Variants in CMIP observed in about 807,000 individuals in gnomAD.
The protein encoded by CMIP is c-Maf inducing protein, also known as C-Maf-inducing protein.
In CMIP, 13 loss-of-function variants were observed where a neutral mutation model predicts 97.3. The observed-to-expected ratio is 0.13, with a 90% confidence interval of 0.09 to 0.21. The LOEUF is 0.21. CMIP is among the 10% of genes least tolerant of loss of function. The pLI, the probability that CMIP is intolerant of heterozygous loss-of-function variation, is 1.00. For synonymous variants in CMIP, 538 were observed against 436.3 expected (o/e 1.23, Z -2.91); for missense variants, 847 against 1,024.9 (o/e 0.83, Z 2.37).
chr16:81,535,466 CT>C (rs34961950), intron 1 of CMIP, among the ~76,000 whole-genome samples: 5,315 of 134,352 alleles, frequency 0.04, 110 homozygotes, highest in African/African-American at 0.06. Context: ...CACTGGAATG[CT>C]TTTTTTTTTT....
chr16:81,664,832 A>T, intron 7 of CMIP: 1 of 232,656 alleles, frequency 4.3e-6, no homozygotes, highest in East Asian at 8.2e-5. Context: ...TAGACAGAAT[A>T]TTCCCTTCAT....
intron 9 of CMIP, among the ~76,000 whole-genome samples, chr16:81,676,768 T>C (rs1312014521): frequency 1.3e-5 from 2 of 152,232 alleles, no homozygotes; most frequent in African/African-American, 4.8e-5. Context: ...GTTCAAGTTC[T>C]GCACACAGCC....
intron 1 of CMIP, among the ~76,000 whole-genome samples, chr16:81,481,551 G>A (rs1257032552): frequency 6.6e-6 from 1 of 152,202 alleles, no homozygotes; most frequent in East Asian, 1.9e-4. Context: ...CCATGCCAGG[G>A]CCAGAGCGGC....
chr16:81,635,909 A>G (rs1164175810), intron 3 of CMIP, among the ~76,000 whole-genome samples: 1 of 151,574 alleles, frequency 6.6e-6, no homozygotes, highest in Non-Finnish European at 1.5e-5. Context: ...GTGGACCCCG[A>G]TATATAACAT....
intron 1 of CMIP, chr16:81,606,923 G>A (rs557495353): frequency 2.5e-4 from 38 of 155,008 alleles, no homozygotes; most frequent in African/African-American, 7.9e-4. Context: ...ACAAGGAGCC[G>A]GCTGAGTTTG....
At chr16:81,653,099 T>C (rs2151008120) in intron 4 of CMIP, among the ~76,000 whole-genome samples, 1 of 152,352 alleles carries the variant, frequency 6.6e-6, no homozygotes, top group South Asian at 2.1e-4. Flanking sequence ...TTTCAGGTGC[T>C]ATTCTAGGCG....
chr16:81,569,015 G>A (rs2091034556), intron 1 of CMIP, among the ~76,000 whole-genome samples: 2 of 152,162 alleles, frequency 1.3e-5, no homozygotes, highest in Admixed American at 1.3e-4. Flanking sequence ...ATTAGAACAG[G>A]GGGTGCAGTT....
chr16:81,579,719 TAAAA>T (rs34345437), intron 1 of CMIP, among the ~76,000 whole-genome samples: 58,492 of 151,426 alleles, frequency 0.39, 14,039 homozygotes, highest in South Asian at 0.53. Flanking sequence ...TTCTGCCACT[TAAAA>T]AAAAATGGAT....
intron 1 of CMIP, among the ~76,000 whole-genome samples, chr16:81,583,946 G>A (rs1031764160): frequency 2.6e-5 from 4 of 152,190 alleles, no homozygotes; most frequent in African/African-American, 9.7e-5. Flanking sequence ...AATAAAGATT[G>A]GAAGCCTTTG....
chr16:81,473,395 G>T (rs1384026328), intron 1 of CMIP, among the ~76,000 whole-genome samples: 1 of 152,188 alleles, frequency 6.6e-6, no homozygotes, highest in Admixed American at 6.5e-5. Flanking sequence ...CTTTGACCCG[G>T]CAGAGGCTGT....
chr16:81,540,713 G>A (rs1395325885), intron 1 of CMIP, among the ~76,000 whole-genome samples: 3 of 148,916 alleles, frequency 2.0e-5, no homozygotes, highest in African/African-American at 5.0e-5. Flanking sequence ...CAGAGTCTCG[G>A]TCTGTTGCCC....
chr16:81,611,164 CA>C lies in CMIP; in HGVS notation c.426+3473del, dbSNP rs1481533893. ...TCCCGTTAGCTACACCTCCAGTGGC[CA>C]GGGGCCACACATGGCCAAAGGCTGC... On this transcript the variant is annotated intron_variant, in intron 2 of 20. Coordinates refer to ENST00000537098, the MANE Select transcript of CMIP (RefSeq NM_198390.3). Among the ~76,000 whole-genome samples the C allele has an allele frequency of 3.3e-5, 5 of 152,348 alleles. No homozygotes were observed. The East Asian group carries it at 9.7e-4, about 29-fold the overall frequency.
At chr16:81,478,707 C>T (rs2150754249) in intron 1 of CMIP, among the ~76,000 whole-genome samples, 1 of 152,318 alleles carries the variant, frequency 6.6e-6, no homozygotes, top group East Asian at 1.9e-4. Context: ...AACCCATTTG[C>T]TTTTCCCACT....
chr16:81,454,192 T>C (rs937858546), intron 1 of CMIP, among the ~76,000 whole-genome samples: 2 of 152,224 alleles, frequency 1.3e-5, no homozygotes, highest in African/African-American at 4.8e-5. Flanking sequence ...TGTTCCTGGT[T>C]GCAACGATAT....
rs73598460 is a variant in CMIP, at chr16:81,610,068, G to C, written c.426+2376G>C. 9.2e-3 allele frequency among the ~76,000 whole-genome samples: 1,395 copies of C among 152,234 alleles called. 19 individuals are homozygous for C. Among genetic ancestry groups the C allele is most frequent in the African/African-American group, 0.031 (1,303 of 41,544 alleles). ...CCAGTTGGAGGAGAGGAGGCCCTGA[G>C]CCTCCACTTTCCTGCTCCACCAGCA... On this transcript the variant is annotated intron_variant, in intron 2 of 20. Transcript: ENST00000537098.
intron 1 of CMIP, among the ~76,000 whole-genome samples, chr16:81,569,500 C>T (rs2091044820): frequency 6.6e-6 from 1 of 152,200 alleles, no homozygotes; most frequent in Non-Finnish European, 1.5e-5. Context: ...CTCTTGAATT[C>T]AGTGTTACCT....
intron 1 of CMIP, among the ~76,000 whole-genome samples, chr16:81,578,880 C>T (rs1028108640): frequency 6.6e-6 from 1 of 152,222 alleles, no homozygotes; most frequent in Admixed American, 6.5e-5. Flanking sequence ...ACCTGGCCTG[C>T]GAGGTCCAAG....
intron 1 of CMIP, among the ~76,000 whole-genome samples, chr16:81,579,225 G>C (rs1177353101): frequency 1.3e-5 from 2 of 152,256 alleles, no homozygotes; most frequent in African/African-American, 4.8e-5. Context: ...AGATGAAGGT[G>C]AAGGGTGGTG....
chr16:81,633,755 G>A (rs113275903), intron 3 of CMIP, among the ~76,000 whole-genome samples: 2,712 of 152,314 alleles, frequency 0.018, 37 homozygotes, highest in Non-Finnish European at 0.029. Flanking sequence ...TTCCAGCGGG[G>A]GCTGGCACAT....
Sources: gnomAD v4.1 joint callset for allele counts (sites outside exome capture counted in the v4.1 genomes callset) on GRCh38, gnomAD v4.1.1 for gene constraint, MANE v1.5 for transcripts, NCBI Gene and HGNC (gene_info 2026-07-23, HGNC 2026-07-21) for gene names.